MITD1: variants seen among roughly 807,000 people sequenced by gnomAD.
The protein encoded by MITD1 is microtubule interacting and trafficking domain containing 1.
A neutral mutation model predicts 34.9 loss-of-function variants in MITD1; 24 were observed. The ratio of observed to expected loss-of-function variants is 0.69; its 90% confidence interval spans 0.50 to 0.97. The LOEUF (loss-of-function observed/expected upper bound fraction) is 0.97. Among genes scored for constraint, MITD1 ranks in the 50% least tolerant of loss-of-function variants. The pLI is 0.00. For synonymous variants in MITD1, 102 were observed against 101.4 expected (o/e 1.01, Z -0.04); for missense variants, 266 against 294.6 (o/e 0.90, Z 0.71).
Position 99,170,672 on chromosome 2 carries a change from G to C in MITD1, c.478-20C>G. 1 of 1,141,062 alleles carries C rather than the reference G, an allele frequency of 8.8e-7. No individual in the cohort carries two copies. Among genetic ancestry groups the C allele is most frequent in the Non-Finnish European group, 1.3e-6 (1 of 753,958 alleles). The allele number at this position is 1,141,062 out of a possible 1,614,324, so 70.7% of individuals were successfully genotyped here. A position where few individuals can be genotyped will look rare whatever the true frequency, so the allele number is the denominator to read the frequency against. ...AATGCCCTGTTAATAGCAAAAATACGATTATCTGCCGCAGTTATTATTACT... is the reference window on the plus strand; with the variant it reads ...AATGCCCTGTTAATAGCAAAAATACCATTATCTGCCGCAGTTATTATTACT... On this transcript the variant is annotated intron_variant, in intron 4 of 6. Coordinates refer to ENST00000289359, the MANE Select transcript of MITD1 (RefSeq NM_138798.3).
chr2:99,164,710 A>G (rs974352774), downstream of MITD1, among the ~76,000 whole-genome samples: 2 of 152,132 alleles, frequency 1.3e-5, no homozygotes, highest in African/African-American at 4.8e-5. Context: ...TTTAAAAGCA[A>G]TATTAAATAC....
chr2:99,165,016 G>GCACA (rs1331157534), downstream of MITD1, among the ~76,000 whole-genome samples: 4 of 98,014 alleles, frequency 4.1e-5, no homozygotes, highest in African/African-American at 1.8e-4. Flanking sequence ...AGTCAAAATG[G>GCACA]CATACACACA....
At chr2:99,173,338 T>C in intron 2 of MITD1, 1 of 373,820 alleles carries the variant, frequency 2.7e-6, no homozygotes, top group Non-Finnish European at 5.8e-6. Context: ...CAGGTAAGGG[T>C]GGAAATGGCC....
intron 1 of MITD1, among the ~76,000 whole-genome samples, chr2:99,176,774 C>T (rs2093890340): frequency 6.6e-6 from 1 of 152,060 alleles, no homozygotes; most frequent in African/African-American, 2.4e-5. Context: ...CAATGTGGCC[C>T]AGGGAAGCCA....
intron 1 of MITD1, among the ~76,000 whole-genome samples, chr2:99,179,117 A>T (rs2105231740): frequency 6.6e-6 from 1 of 152,248 alleles, no homozygotes; most frequent in Non-Finnish European, 1.5e-5. Flanking sequence ...CGCTATTTGC[A>T]TTTTGGTCTT....
Position 99,173,725 on chromosome 2 carries a change from AAAAC to A in MITD1, c.253+186_253+189del, listed in dbSNP as rs904612773. 177 of 614,268 alleles carry A rather than the reference AAAAC, an allele frequency of 2.9e-4. 1 individual carries two copies. The highest frequency in any genetic ancestry group is 1.0e-3 in the South Asian group (58 of 55,586). The allele number at this position is 614,268 out of a possible 1,614,324, so 38.1% of individuals were successfully genotyped here. On this transcript the variant is annotated intron_variant, in intron 2 of 6. Transcript: ENST00000289359. The stretch of plus-strand genomic sequence containing the variant: ...CCACCCCCAACTAAAAACAAAAGCC[AAAAC>A]AAACAAACAAACAAAAAATTAAGAA...
chr2:99,163,419 C>T (rs2093811990), intron 7 of MITD1, among the ~76,000 whole-genome samples: 1 of 152,124 alleles, frequency 6.6e-6, no homozygotes, highest in Non-Finnish European at 1.5e-5. Flanking sequence ...CCTTTACCTC[C>T]TGAGTTCAAG....
downstream of MITD1, among the ~76,000 whole-genome samples, chr2:99,168,632 T>C (rs553190436): frequency 5.3e-5 from 8 of 152,372 alleles, no homozygotes; most frequent in East Asian, 1.5e-3. Flanking sequence ...GCAAAATGCA[T>C]TTGGATAACT....
Position 99,171,436 on chromosome 2 carries a change from G to A in MITD1, c.391-7C>T, listed in dbSNP as rs769752850. On this transcript the variant is annotated splice_polypyrimidine_tract_variant and splice_region_variant and intron_variant, in intron 3 of 6. Coordinates refer to ENST00000289359, the MANE Select transcript of MITD1 (RefSeq NM_138798.3). ...ATCGAAGAAAGTTATACAGCTAAAA[G>A]ACATTAGAATGGATTATTACTAATT... The A allele has an allele frequency of 4.0e-5, 64 of 1,606,354 alleles. No individual in the cohort carries two copies. The highest frequency in any genetic ancestry group is 5.4e-5 in the Non-Finnish European group (63 of 1,173,528).
chr2:99,180,659 T>G, intron 1 of MITD1, 172 bp downstream of exon 1: 1 of 640,444 alleles, frequency 1.6e-6, no homozygotes, highest in Middle Eastern at 3.0e-4. Context: ...CATCAATCTA[T>G]TAAAGATCTA....
At chr2:99,179,638 C>T (rs972110785) in intron 1 of MITD1, among the ~76,000 whole-genome samples, 2 of 152,172 alleles carry the variant, frequency 1.3e-5, no homozygotes, top group African/African-American at 4.8e-5. Flanking sequence ...TCTCGGCTCA[C>T]TGCAACCTCC....
chr2:99,168,946 A>ATTTTTTTTT (rs1175310553), downstream of MITD1, among the ~76,000 whole-genome samples: 2 of 49,330 alleles, frequency 4.1e-5, no homozygotes, highest in Non-Finnish European at 8.2e-5. Context: ...TGCCCGGCTA[A>ATTTTTTTTT]TTTTTTTTTT....
chr2:99,169,420 T>C lies in MITD1; in HGVS notation c.705A>G (p.Glu235=). The part of the protein sequence containing the change: ...YCDFDLRPCH[E]TTVDIFHKKH... ...TCTTATGAAAAATGTCTACTGTTGT[T>C]TCATGACATGGTCTTAAATCAAAAT... Residue 235 remains glutamate (E), a synonymous_variant, in exon 7 of 7, where the codon GAA becomes GAG. Coordinates refer to ENST00000289359, the MANE Select transcript of MITD1 (RefSeq NM_138798.3). 1.2e-6 allele frequency: 2 copies of C among 1,607,132 alleles called. No homozygotes were observed. The highest frequency in any genetic ancestry group is 1.7e-6 in the Non-Finnish European group (2 of 1,175,632).
intron 1 of MITD1, among the ~76,000 whole-genome samples, chr2:99,180,081 G>C (rs1415164880): frequency 6.6e-6 from 1 of 152,048 alleles, no homozygotes; most frequent in Non-Finnish European, 1.5e-5. Context: ...GGTTGTGCTG[G>C]GTGTTAAGGA....
In MITD1 at chr2:99,162,409, G is replaced by A. The variant is rs150683925; in HGVS notation, c.*4-191C>T. On this transcript the variant is annotated intron_variant, in intron 7 of 7. Coordinates refer to the MITD1 transcript ENST00000422537. ...CAGCTGGATGTGCAGGCTACCAAAA[G>A]ATTTGACCTTTTACTTGATGGACAG... The A allele has an allele frequency of 1.2e-4, 194 of 1,613,990 alleles. No homozygotes were observed. In the African/African-American group the frequency reaches 2.5e-3, roughly 21 times the overall value.
chr2:99,162,708 A>G lies in MITD1; in HGVS notation c.*4-490T>C, dbSNP rs748138835. The G allele has an allele frequency of 3.1e-6, 5 of 1,614,170 alleles. No individual in the cohort carries two copies. The South Asian group carries it at 4.4e-5, about 14-fold the overall frequency. ...TAATCACATTCACCTAATAAACCCA[A>G]CGGATGAGACACTGTTTCCTGGAAT... is the stretch of plus-strand genomic sequence containing the variant. On this transcript the variant is annotated intron_variant, in intron 7 of 7. Coordinates refer to the MITD1 transcript ENST00000422537.
chr2:99,162,029 T>G (rs1559170542), exon 8 of MITD1: 84 of 1,613,894 alleles, frequency 5.2e-5, no homozygotes, highest in Non-Finnish European at 7.0e-5. Context: ...CAGCTGGCTT[T>G]AAAAAAACAG....
chr2:99,174,173 G>GA (rs1194276348), intron 1 of MITD1, among the ~76,000 whole-genome samples, 157 bp from the exon 2 acceptor site: 2 of 152,042 alleles, frequency 1.3e-5, no homozygotes, highest in African/African-American at 4.8e-5. Flanking sequence ...AATTTGGCTT[G>GA]AACATACAAG....
intron 1 of MITD1, among the ~76,000 whole-genome samples, chr2:99,175,380 TC>T (rs2093881482): frequency 6.6e-6 from 1 of 152,212 alleles, no homozygotes; most frequent in South Asian, 2.1e-4. Context: ...ATAATATTGG[TC>T]AGTTATTTTT....
Sources: allele counts gnomAD v4.1 joint callset (sites outside exome capture counted in the v4.1 genomes callset), GRCh38; gene constraint gnomAD v4.1.1; transcripts MANE v1.5; gene names NCBI Gene and HGNC (gene_info 2026-07-23, HGNC 2026-07-21).